The following MEI4 variants were observed in gnomAD, a reference collection of about 807,000 sequenced individuals.
The protein encoded by MEI4 is meiosis-specific protein MEI4.
MEI4 carries 27 observed loss-of-function variants against 31.4 expected under a neutral mutation model. The ratio of observed to expected loss-of-function variants is 0.86; its 90% CI spans 0.63 to 1.19. MEI4 has a LOEUF of 1.19. MEI4 is among the 50% of genes most tolerant of loss of function. MEI4 has a pLI of 0.00. For synonymous variants in MEI4, 122 were observed against 145.4 expected (o/e 0.84, Z 1.16); for missense variants, 329 against 398.9 (o/e 0.82, Z 1.49).
chr6:77,687,707 T>A (rs1769084113), intron 1 of MEI4, among the ~76,000 whole-genome samples: 1 of 152,016 alleles, frequency 6.6e-6, no homozygotes, highest in Non-Finnish European at 1.5e-5. Flanking sequence ...CAGTTTACTA[T>A]AAAAAATACA....
At chr6:77,773,576 T>C (rs983730325) in intron 3 of MEI4, among the ~76,000 whole-genome samples, 3 of 151,914 alleles carry the variant, frequency 2.0e-5, no homozygotes, top group Admixed American at 2.0e-4. Context: ...TGAAGCAACA[T>C]TGGGAAAACT....
intron 2 of MEI4, among the ~76,000 whole-genome samples, chr6:77,755,575 C>T (rs1230084341): frequency 6.6e-6 from 1 of 152,078 alleles, no homozygotes; most frequent in Non-Finnish European, 1.5e-5. Flanking sequence ...CACACCACCA[C>T]ACCCGGCTAA....
At chr6:77,780,757 C>T (rs924299483) in intron 3 of MEI4, among the ~76,000 whole-genome samples, 11 of 152,164 alleles carry the variant, frequency 7.2e-5, no homozygotes, top group East Asian at 3.9e-4. Context: ...TTAAGTAATT[C>T]GAATTCTAAT....
chr6:77,914,219 T>G (rs1239540231), intron 4 of MEI4, among the ~76,000 whole-genome samples: 1 of 152,002 alleles, frequency 6.6e-6, no homozygotes, highest in Non-Finnish European at 1.5e-5. Flanking sequence ...TACCTTTTTA[T>G]GTAGACTTTT....
chr6:77,716,298 T>G (rs936612726), intron 2 of MEI4, among the ~76,000 whole-genome samples: 7 of 152,168 alleles, frequency 4.6e-5, no homozygotes, highest in African/African-American at 1.7e-4. Flanking sequence ...CATTAGTCAA[T>G]CAGGATAGCT....
intron 1 of MEI4, among the ~76,000 whole-genome samples, chr6:77,653,884 A>G (rs976577302): frequency 1.5e-4 from 23 of 152,218 alleles, no homozygotes; most frequent in East Asian, 3.8e-4. Context: ...GGAATTCAGT[A>G]TAAGTGACAG....
Position 77,840,640 on chromosome 6 carries a change from T to C in MEI4, c.900+11578T>C, listed in dbSNP as rs139004346. Among the ~76,000 whole-genome samples, 779 of 152,296 alleles carry C rather than the reference T, an allele frequency of 5.1e-3. 2 individuals carry two copies. Among genetic ancestry groups the C allele is most frequent in the Middle Eastern group, 0.017 (5 of 294 alleles). Reference sequence around the variant, plus strand: ...TGATCTTTTAAATTGCATTTTATTTTAGATTCATGGGGTACATGTGCATGT... The same window carrying C: ...TGATCTTTTAAATTGCATTTTATTTCAGATTCATGGGGTACATGTGCATGT... On this transcript the variant is annotated intron_variant, in intron 4 of 4. Coordinates refer to ENST00000684080, the MANE Select transcript of MEI4 (RefSeq NM_001322247.2).
At chr6:77,811,905 AT>A (rs746105623) in intron 3 of MEI4, among the ~76,000 whole-genome samples, 1 of 152,152 alleles carries the variant, frequency 6.6e-6, no homozygotes, top group Admixed American at 6.6e-5. Context: ...TTATTTTCTA[AT>A]TTTGGATATT....
chr6:77,850,424 G>T (rs566877928), intron 4 of MEI4, among the ~76,000 whole-genome samples: 139 of 152,194 alleles, frequency 9.1e-4, no homozygotes, highest in African/African-American at 3.3e-3. Context: ...CATGGTACTG[G>T]TACCAAAACA....
chr6:77,894,866 C>G (rs1766046761), intron 4 of MEI4, among the ~76,000 whole-genome samples: 1 of 152,132 alleles, frequency 6.6e-6, no homozygotes, highest in Admixed American at 6.6e-5. Context: ...AAATCTGGCT[C>G]CTGTATTTTG....
At chr6:77,815,356 T>C (rs1769665227) in intron 3 of MEI4, among the ~76,000 whole-genome samples, 1 of 152,158 alleles carries the variant, frequency 6.6e-6, no homozygotes, top group African/African-American at 2.4e-5. Flanking sequence ...ATAATATTCT[T>C]CAATTGTTTA....
At chr6:77,881,165 C>G (rs1252464120) in intron 4 of MEI4, among the ~76,000 whole-genome samples, 1 of 150,754 alleles carries the variant, frequency 6.6e-6, no homozygotes, top group Non-Finnish European at 1.5e-5. Flanking sequence ...GGCACTGATT[C>G]TCTGTGAATA....
rs1296888187 is a variant in MEI4, at chr6:77,731,540, A to T, written c.233-29590A>T. Among the ~76,000 whole-genome samples, 113 of 151,560 alleles carry T rather than the reference A, an allele frequency of 7.5e-4. 1 individual carries two copies. The highest frequency in any genetic ancestry group is 2.4e-3 in the African/African-American group (99 of 41,198). Reference sequence around the variant, plus strand: ...ATTCTGGATATTAGCCCTTTGTCAGATGAGTAGGTTGTGAAAATTTTCTCC... The same window carrying T: ...ATTCTGGATATTAGCCCTTTGTCAGTTGAGTAGGTTGTGAAAATTTTCTCC... On this transcript the variant is annotated intron_variant, in intron 2 of 4. Coordinates refer to ENST00000684080, the MANE Select transcript of MEI4 (RefSeq NM_001322247.2).
At chr6:77,883,070 A>G (rs1305508000) in intron 4 of MEI4, among the ~76,000 whole-genome samples, 2 of 152,164 alleles carry the variant, frequency 1.3e-5, no homozygotes, top group African/African-American at 4.8e-5. Context: ...GGTTAAGTAA[A>G]TTAATTGATC....
At chr6:77,846,613 A>G (rs1321717838) in intron 4 of MEI4, among the ~76,000 whole-genome samples, 1 of 152,154 alleles carries the variant, frequency 6.6e-6, no homozygotes, top group Admixed American at 6.6e-5. Context: ...AAATTTATCT[A>G]AAGAAGTCCA....
chr6:77,750,461 A>G (rs968848938), intron 2 of MEI4, among the ~76,000 whole-genome samples: 1 of 152,122 alleles, frequency 6.6e-6, no homozygotes, highest in Admixed American at 6.6e-5. Flanking sequence ...GAAAGCAGGT[A>G]TTGCAATCCT....
intron 1 of MEI4, among the ~76,000 whole-genome samples, chr6:77,668,430 A>G (rs558896239): frequency 6.6e-6 from 1 of 152,282 alleles, no homozygotes; most frequent in African/African-American, 2.4e-5. Context: ...TCCTGACCCT[A>G]TCCTTGGGCA....
chr6:77,757,570 A>C (rs553469105), intron 2 of MEI4, among the ~76,000 whole-genome samples: 1 of 152,362 alleles, frequency 6.6e-6, no homozygotes, highest in African/African-American at 2.4e-5. Context: ...CATGGCAGTG[A>C]GAAGTAGAGA....
intron 2 of MEI4, among the ~76,000 whole-genome samples, chr6:77,743,904 G>A (rs1253461680): frequency 6.6e-6 from 1 of 152,212 alleles, no homozygotes; most frequent in Admixed American, 6.5e-5. Context: ...CTGCAGCTGA[G>A]GGTGCTGTCT....
Sources: allele counts gnomAD v4.1 joint callset (sites outside exome capture counted in the v4.1 genomes callset), GRCh38; gene constraint gnomAD v4.1.1; transcripts MANE v1.5; gene names NCBI Gene and HGNC (gene_info 2026-07-23, HGNC 2026-07-21).